FBXO16: variants seen among roughly 807,000 people sequenced by gnomAD.
The protein encoded by FBXO16 is F-box only protein 16.
In FBXO16, 31 loss-of-function variants were observed where a neutral mutation model predicts 41.0. That is an observed-to-expected ratio of 0.76 (90% CI 0.57 to 1.02). The LOEUF (loss-of-function observed/expected upper bound fraction) is 1.02. Among genes scored for constraint, FBXO16 ranks in the 50% least tolerant of loss-of-function variants. FBXO16 has a pLI of 0.00. For missense variants in FBXO16, 361 were observed against 346.2 expected, an observed-to-expected ratio of 1.04 and a Z score of -0.34; for synonymous variants, 133 against 117.8, an observed-to-expected ratio of 1.13 and a Z score of -0.84.
At chr8:28,477,712 C>T (rs1328700321) in intron 2 of FBXO16, among the ~76,000 whole-genome samples, 1 of 152,180 alleles carries the variant, frequency 6.6e-6, no homozygotes, top group Non-Finnish European at 1.5e-5. Context: ...ACCCATATAA[C>T]TCTTTGGGAA....
chr8:28,428,610 G>A lies in FBXO16; in HGVS notation c.*117C>T, dbSNP rs1163760582. ...TGGATGAGTCATGCTTGGGGCCCAG[G>A]GTGCCTGTGAGGATGCTGCATGAGA... On this transcript the variant is annotated 3_prime_UTR_variant, in exon 9 of 9. Transcript: ENST00000380254. The A allele has an allele frequency of 2.9e-5, 45 of 1,551,556 alleles. No individual in the cohort carries two copies. Among genetic ancestry groups the A allele is most frequent in the Non-Finnish European group, 3.6e-5 (41 of 1,147,094 alleles).
intron 3 of FBXO16, among the ~76,000 whole-genome samples, chr8:28,469,075 G>A (rs914697590): frequency 3.3e-5 from 5 of 152,034 alleles, no homozygotes; most frequent in Admixed American, 3.3e-4. Context: ...TTGGAAGGCC[G>A]AGGCAGGCGG....
At chr8:28,433,115 A>T (rs1802636226) in intron 7 of FBXO16, among the ~76,000 whole-genome samples, 1 of 152,004 alleles carries the variant, frequency 6.6e-6, no homozygotes, top group Non-Finnish European at 1.5e-5. Context: ...AACAACAACA[A>T]CAAAATAATT....
intron 4 of FBXO16, among the ~76,000 whole-genome samples, chr8:28,458,544 C>CTTTTTTTTTTTTT (rs34617439): frequency 3.5e-4 from 31 of 87,598 alleles, no homozygotes; most frequent in Non-Finnish European, 4.9e-4. Flanking sequence ...TCTTCTTCTT[C>CTTTTTTTTTTTTT]TTTTTTTTTT....
chr8:28,461,085 T>C (rs1161037683), intron 4 of FBXO16, among the ~76,000 whole-genome samples: 1 of 74,566 alleles, frequency 1.3e-5, no homozygotes, highest in African/African-American at 4.9e-5. Flanking sequence ...TACCTCTGCT[T>C]TTTTTTTTTT....
rs549603786 is a variant in FBXO16 at position 28,462,572 on chromosome 8, C to G, written c.342+1040G>C. On this transcript the variant is annotated intron_variant, in intron 4 of 8. Coordinates refer to ENST00000380254, the MANE Select transcript of FBXO16 (RefSeq NM_172366.4). ...GGATTACAGGCGTGAGCCACCGCGC[C>G]CGGCCCCGCATTCATTTTCTTAATT... Among the ~76,000 whole-genome samples, 592 of 152,272 alleles carry G rather than the reference C, an allele frequency of 3.9e-3. 9 individuals are homozygous for G. In the South Asian group the frequency reaches 0.04, roughly 10 times the overall value.
At chr8:28,461,100 T>C (rs1803127362) in intron 4 of FBXO16, among the ~76,000 whole-genome samples, 1 of 150,558 alleles carries the variant, frequency 6.6e-6, no homozygotes, top group Non-Finnish European at 1.5e-5. Flanking sequence ...TTTTTTTTTT[T>C]TACCAATGAC....
intron 2 of FBXO16, among the ~76,000 whole-genome samples, chr8:28,474,403 G>GT (rs909252261): frequency 9.6e-5 from 13 of 135,110 alleles, no homozygotes; most frequent in Admixed American, 2.3e-4. Flanking sequence ...AGAAAAAATA[G>GT]TTTTTTTAAA....
chr8:28,435,009 T>C (rs904824336), intron 7 of FBXO16, among the ~76,000 whole-genome samples: 3 of 152,176 alleles, frequency 2.0e-5, no homozygotes, highest in Admixed American at 2.0e-4. Context: ...AGCAGCTCAG[T>C]CGGCCCCTGG....
intron 5 of FBXO16, among the ~76,000 whole-genome samples, chr8:28,453,217 G>A (rs953197636): frequency 6.7e-6 from 1 of 149,348 alleles, no homozygotes; most frequent in Non-Finnish European, 1.5e-5. Context: ...GTAAGTTGGA[G>A]GGCCAGAATT....
At chr8:28,478,195 G>A (rs778205093) in intron 2 of FBXO16, among the ~76,000 whole-genome samples, 2 of 152,042 alleles carry the variant, frequency 1.3e-5, no homozygotes, top group African/African-American at 4.8e-5. Context: ...ATGGGAGTTC[G>A]GGACAATAAA....
chr8:28,443,493 T>C (rs771353022), intron 7 of FBXO16, among the ~76,000 whole-genome samples: 2 of 152,180 alleles, frequency 1.3e-5, no homozygotes, highest in Non-Finnish European at 2.9e-5. Flanking sequence ...TCTTTGCCTT[T>C]AGAAGGTGCT....
At chr8:28,465,832 G>A (rs1803228746) in intron 3 of FBXO16, among the ~76,000 whole-genome samples, 1 of 151,966 alleles carries the variant, frequency 6.6e-6, no homozygotes, top group African/African-American at 2.4e-5. Flanking sequence ...TTTTGGTCCT[G>A]GTTTTCATTT....
chr8:28,482,532 G>A (rs542604544), intron 2 of FBXO16, among the ~76,000 whole-genome samples: 4 of 152,144 alleles, frequency 2.6e-5, no homozygotes, highest in Admixed American at 2.6e-4. Context: ...CACCTTCCCA[G>A]AGTGCAGGTG....
intron 2 of FBXO16, among the ~76,000 whole-genome samples, chr8:28,478,770 C>T (rs545208333): frequency 4.7e-5 from 7 of 148,834 alleles, no homozygotes; most frequent in Admixed American, 2.7e-4. Flanking sequence ...TGCAGTGAGC[C>T]GAGATCACGC....
At chr8:28,485,905 C>T (rs4631420) in intron 1 of FBXO16, among the ~76,000 whole-genome samples, 2 of 151,930 alleles carry the variant, frequency 1.3e-5, no homozygotes, top group Non-Finnish European at 2.9e-5. Flanking sequence ...GTCAGGAGTT[C>T]GAGGCCAGCC....
At chr8:28,460,445 T>TTTG (rs371229894) in intron 4 of FBXO16, among the ~76,000 whole-genome samples, 2 of 135,586 alleles carry the variant, frequency 1.5e-5, no homozygotes, top group African/African-American at 6.2e-5. Flanking sequence ...TTTTTTTTTT[T>TTTG]GAGACAGCGT....
intron 6 of FBXO16, among the ~76,000 whole-genome samples, chr8:28,449,832 C>T (rs931697292): frequency 9.2e-5 from 14 of 151,636 alleles, no homozygotes; most frequent in South Asian, 2.1e-4. Flanking sequence ...ATTAGCTGGG[C>T]GTGGTGGTGC....
intron 7 of FBXO16, among the ~76,000 whole-genome samples, chr8:28,446,176 C>CTTTTTTTTTTTTT (rs11421643): frequency 6.0e-5 from 5 of 83,080 alleles, no homozygotes; most frequent in East Asian, 4.2e-4. Flanking sequence ...TGCATTTTTC[C>CTTTTTTTTTTTTT]TTTTTTTTTT....
Sources: gnomAD v4.1 joint callset for allele counts (sites outside exome capture counted in the v4.1 genomes callset) on GRCh38, gnomAD v4.1.1 for gene constraint, MANE v1.5 for transcripts, NCBI Gene and HGNC (gene_info 2026-07-23, HGNC 2026-07-21) for gene names.